Variants in USP32 observed in about 807,000 individuals in gnomAD.
USP32 encodes ubiquitin carboxyl-terminal hydrolase 32.
In USP32, 59 loss-of-function variants were observed where a neutral mutation model predicts 204.8. That is an observed-to-expected ratio of 0.29 (90% CI 0.23 to 0.36). USP32 has a LOEUF of 0.36. USP32 is among the 10% of genes least tolerant of loss of function. The pLI is 1.00. For synonymous variants in USP32, 517 were observed against 678.4 expected, an observed-to-expected ratio of 0.76 and a Z score of 3.70; for missense variants, 1,160 against 1,946.4, an observed-to-expected ratio of 0.60 and a Z score of 7.60.
intron 1 of USP32, 33 bp downstream of exon 1, chr17:60,391,849 C>T (rs201347022): frequency 5.3e-5 from 84 of 1,598,990 alleles, no homozygotes; most frequent in Middle Eastern, 1.7e-4. Flanking sequence ...CGCGGGCCTC[C>T]CAGGCAGCTC....
At chr17:60,396,481 G>A (rs1028070365), upstream of USP32, among the ~76,000 whole-genome samples, 6 of 152,138 alleles carry the variant, frequency 3.9e-5, no homozygotes, top group African/African-American at 1.4e-4. Flanking sequence ...CTAAAAATAC[G>A]TCATTCTCTA....
chr17:60,181,140 G>C (rs1193129037), intron 32 of USP32, among the ~76,000 whole-genome samples, 184 bp downstream of exon 32: 1 of 152,076 alleles, frequency 6.6e-6, no homozygotes, highest in Non-Finnish European at 1.5e-5. Flanking sequence ...AAAGTGCTGG[G>C]ATTGATTACA....
chr17:60,272,696 C>T (rs1358896892), intron 5 of USP32, among the ~76,000 whole-genome samples: 1 of 152,160 alleles, frequency 6.6e-6, no homozygotes, highest in African/African-American at 2.4e-5. Flanking sequence ...TGAACCCTTT[C>T]ATTACCCTGG....
chr17:60,316,639 G>A (rs1319684508), intron 2 of USP32, among the ~76,000 whole-genome samples: 1 of 152,038 alleles, frequency 6.6e-6, no homozygotes, highest in Non-Finnish European at 1.5e-5. Flanking sequence ...TCAGGAGTTC[G>A]AAACCAGACT....
At chr17:60,290,861 G>A (rs376678143) in intron 4 of USP32, among the ~76,000 whole-genome samples, 15 of 152,188 alleles carry the variant, frequency 9.9e-5, no homozygotes, top group African/African-American at 3.4e-4. Flanking sequence ...AATCATGATC[G>A]CTAGCGAAGA....
At chr17:60,354,568 A>G (rs1430385271) in intron 1 of USP32, among the ~76,000 whole-genome samples, 1 of 152,212 alleles carries the variant, frequency 6.6e-6, no homozygotes, top group East Asian at 1.9e-4. Context: ...GCTGATCTGA[A>G]GTAAATTAAC....
intron 9 of USP32, among the ~76,000 whole-genome samples, chr17:60,263,758 G>T (rs377032408): frequency 6.6e-6 from 1 of 152,126 alleles, no homozygotes; most frequent in Non-Finnish European, 1.5e-5. Context: ...GAGAAAGAAG[G>T]GGACTGAATT....
At chr17:60,225,948 G>C (rs902654806) in intron 13 of USP32, 91 bp downstream of exon 13, 3 of 1,199,430 alleles carry the variant, frequency 2.5e-6, no homozygotes, top group Non-Finnish European at 3.3e-6. Context: ...GTGAAACTCA[G>C]TCTCAAAAAA....
intron 1 of USP32, among the ~76,000 whole-genome samples, chr17:60,352,668 T>A (rs936069203): frequency 2.6e-5 from 4 of 152,146 alleles, no homozygotes; most frequent in African/African-American, 9.7e-5. Flanking sequence ...TAAACAAGAC[T>A]GGGAAAAGGT....
At chr17:60,399,130 A>G (rs935397342) in intron 1 of USP32, among the ~76,000 whole-genome samples, 2 of 152,192 alleles carry the variant, frequency 1.3e-5, no homozygotes, top group Admixed American at 6.5e-5. Context: ...AAGATAAATA[A>G]GAAAGCAGAC....
At chr17:60,345,440 G>A (rs1257700719) in intron 2 of USP32, 41 bp downstream of exon 2, 5 of 1,607,328 alleles carry the variant, frequency 3.1e-6, no homozygotes, top group African/African-American at 1.3e-5. Flanking sequence ...TGGTGGAGGT[G>A]GATAACTACC....
intron 2 of USP32, among the ~76,000 whole-genome samples, chr17:60,344,591 C>G (rs2088739856): frequency 6.6e-6 from 1 of 151,904 alleles, no homozygotes; most frequent in Non-Finnish European, 1.5e-5. Flanking sequence ...CTGGGACTTA[C>G]AGGCACACAC....
rs975903966 is a variant in USP32 at position 60,353,505 on chromosome 17, C to G, written c.59-7897G>C. Among the ~76,000 whole-genome samples, 19 of 152,168 alleles carry G rather than the reference C, an allele frequency of 1.2e-4. 1 individual carries two copies. The East Asian group carries it at 3.7e-3, about 29-fold the overall frequency. The stretch of plus-strand genomic sequence containing the variant: ...CCTGTAATCCCAGCACTTTGGGAGG[C>G]CGAAGCAGGTGGATCACTTAAGGCC... On this transcript the variant is annotated intron_variant, in intron 1 of 33. Coordinates refer to ENST00000300896, the MANE Select transcript of USP32 (RefSeq NM_032582.4).
rs1023169820 is a variant in USP32 at position 60,178,860 on chromosome 17, A to G, written c.*395T>C. Among the ~76,000 whole-genome samples the G allele has an allele frequency of 4.6e-5, 7 of 152,214 alleles. No homozygotes were observed. Among genetic ancestry groups the G allele is most frequent in the Non-Finnish European group, 1.0e-4 (7 of 68,038 alleles). Reference sequence around the variant, plus strand: ...TATCATGTCGTCCCTAGACAACATTATAATTGTTTGTTTTTTACTCTGACT... The same window carrying G: ...TATCATGTCGTCCCTAGACAACATTGTAATTGTTTGTTTTTTACTCTGACT... On this transcript the variant is annotated 3_prime_UTR_variant, in exon 34 of 34. Transcript: ENST00000300896.
rs747340163 is a variant in USP32, at chr17:60,255,298, C to CTTTTT, written c.991-45_991-41dup. On this transcript the variant is annotated intron_variant, in intron 9 of 33. Coordinates refer to ENST00000300896, the MANE Select transcript of USP32 (RefSeq NM_032582.4). ...CTCATGTTAGGAACATCTTTTTTTTCTTTTTTTTTTTTTTTTTGAGACGGA... is the reference window on the plus strand; with the variant it reads ...CTCATGTTAGGAACATCTTTTTTTTCTTTTTTTTTTTTTTTTTTTTTTGAGACGGA... 4.4e-5 allele frequency: 48 copies of CTTTTT among 1,101,152 alleles called. No homozygotes were observed. The African/African-American group carries it at 4.5e-4, about 10-fold the overall frequency. 68.2% of individuals were successfully genotyped at this position (1,101,152 alleles called of 1,614,324 possible).
chr17:60,411,999 A>G lies in USP32; in HGVS notation c.106+10247T>C, dbSNP rs140880223. 9.2e-5 allele frequency among the ~76,000 whole-genome samples: 14 copies of G among 152,308 alleles called. No individual in the cohort carries two copies. In the East Asian group the frequency reaches 2.3e-3, roughly 25 times the overall value. On this transcript the variant is annotated intron_variant, in intron 1 of 3. Coordinates refer to the USP32 transcript ENST00000588898. ...TGCATTCAATATAATTTAATATTTA[A>G]TAATGCTTCTGTTTAGCAAACAGCT... is the stretch of plus-strand genomic sequence containing the variant.
chr17:60,242,834 A>AT lies in USP32; in HGVS notation c.1137-6595dup, dbSNP rs1259317891. Among the ~76,000 whole-genome samples the AT allele has an allele frequency of 4.6e-5, 7 of 152,040 alleles. No individual in the cohort carries two copies. In the East Asian group the frequency reaches 1.3e-3, roughly 29 times the overall value. ...AAGTCTAAGTCTTCTGTTTTTTGTC[A>AT]TTTTTTTGAAGTTGTTTAGGCTAGT... On this transcript the variant is annotated intron_variant, in intron 11 of 33. Coordinates refer to ENST00000300896, the MANE Select transcript of USP32 (RefSeq NM_032582.4).
chr17:60,380,779 G>C (rs1287555602), intron 1 of USP32, among the ~76,000 whole-genome samples: 1 of 152,108 alleles, frequency 6.6e-6, no homozygotes, highest in Non-Finnish European at 1.5e-5. Flanking sequence ...TTTGCTATTT[G>C]AGAGAAATGT....
chr17:60,200,951 C>T (rs1221902504), intron 26 of USP32, among the ~76,000 whole-genome samples: 1 of 152,182 alleles, frequency 6.6e-6, no homozygotes, highest in African/African-American at 2.4e-5. Flanking sequence ...CCTCCACCTT[C>T]TGGGCTTGAG....
Sources: gnomAD v4.1 joint callset for allele counts (sites outside exome capture counted in the v4.1 genomes callset) on GRCh38, gnomAD v4.1.1 for gene constraint, MANE v1.5 for transcripts, NCBI Gene and HGNC (gene_info 2026-07-23, HGNC 2026-07-21) for gene names.